LOC128462377: variants seen among roughly 807,000 people sequenced by gnomAD.
At chr16:89,396,205 G>A in the LOC128462377 span, 1 of 152,208 alleles carries the variant, frequency 6.6e-6, no homozygotes, top group Admixed American at 6.5e-5. Flanking sequence ...AAGTCTCCCT[G>A]GAAGAGACAG....
chr16:89,365,701 G>A, the LOC128462377 span, among the ~76,000 whole-genome samples: 1 of 152,150 alleles, frequency 6.6e-6, no homozygotes, highest in Non-Finnish European at 1.5e-5. Flanking sequence ...TGGTCTCTCC[G>A]CAGAAACCCA....
At chr16:89,371,414 T>C in the LOC128462377 span, among the ~76,000 whole-genome samples, 2 of 152,216 alleles carry the variant, frequency 1.3e-5, no homozygotes, top group Non-Finnish European at 2.9e-5. Context: ...CACAGACAGG[T>C]GTCCAGCTGC....
chr16:89,371,093 C>T, the LOC128462377 span, among the ~76,000 whole-genome samples: 1 of 152,154 alleles, frequency 6.6e-6, no homozygotes, highest in African/African-American at 2.4e-5. Context: ...ACTGCGCGCT[C>T]GCTTACTGAA....
At chr16:89,416,079 T>C in the LOC128462377 span, among the ~76,000 whole-genome samples, 1 of 152,236 alleles carries the variant, frequency 6.6e-6, no homozygotes, top group Non-Finnish European at 1.5e-5. Context: ...TGAGGATCTA[T>C]AGTTCACAAA....
the LOC128462377 span, among the ~76,000 whole-genome samples, chr16:89,347,682 G>A: frequency 9.9e-5 from 15 of 151,360 alleles, no homozygotes; most frequent in African/African-American, 2.9e-4. Context: ...TCTCCTTATC[G>A]GTTTTTCCTA....
the LOC128462377 span, among the ~76,000 whole-genome samples, chr16:89,359,553 C>A: frequency 6.6e-6 from 1 of 152,194 alleles, no homozygotes; most frequent in East Asian, 1.9e-4. Flanking sequence ...AGTCTTGATT[C>A]TTCAGGCTAA....
At chr16:89,407,933 T>G in the LOC128462377 span, among the ~76,000 whole-genome samples, 1 of 151,562 alleles carries the variant, frequency 6.6e-6, no homozygotes, top group African/African-American at 2.4e-5. Context: ...TCCATTAACT[T>G]CAAAAAGCCA....
the LOC128462377 span, among the ~76,000 whole-genome samples, chr16:89,354,243 CA>C: frequency 0.021 from 2,705 of 126,168 alleles, 48 homozygotes; most frequent in African/African-American, 0.065. Flanking sequence ...TGCATTCAGC[CA>C]AAAAAAAAAA....
the LOC128462377 span, among the ~76,000 whole-genome samples, chr16:89,389,820 A>T: frequency 7.0e-6 from 1 of 142,630 alleles, no homozygotes. Context: ...AGAGAAGATC[A>T]CTAGGGCAAA....
the LOC128462377 span, among the ~76,000 whole-genome samples, chr16:89,357,773 G>C: frequency 6.6e-6 from 1 of 152,344 alleles, no homozygotes; most frequent in African/African-American, 2.4e-5. Flanking sequence ...CCCTGAGGGA[G>C]GAGTCTGGGA....
At chr16:89,413,744 G>A in the LOC128462377 span, among the ~76,000 whole-genome samples, 3 of 152,208 alleles carry the variant, frequency 2.0e-5, no homozygotes, top group Non-Finnish European at 2.9e-5. Context: ...AGCATTCTAC[G>A]GCAGGACACA....
chr16:89,413,112 T>A, the LOC128462377 span, among the ~76,000 whole-genome samples: 1 of 152,192 alleles, frequency 6.6e-6, no homozygotes, highest in South Asian at 2.1e-4. Flanking sequence ...AGTGCCCATT[T>A]TCACATGAAC....
At chr16:89,346,312 G>C in the LOC128462377 span, among the ~76,000 whole-genome samples, 1 of 150,160 alleles carries the variant, frequency 6.7e-6, no homozygotes, top group Non-Finnish European at 1.5e-5. Context: ...CCACGGAGCA[G>C]ATATTAAAGT....
At chr16:89,352,380 C>T in the LOC128462377 span, among the ~76,000 whole-genome samples, 1 of 151,530 alleles carries the variant, frequency 6.6e-6, no homozygotes. Flanking sequence ...GGCAGCCCCC[C>T]AAGAAAACCA....
chr16:89,337,410 G>GAACATGGT, the LOC128462377 span, among the ~76,000 whole-genome samples: 1 of 130,056 alleles, frequency 7.7e-6, no homozygotes, highest in Admixed American at 8.1e-5. Flanking sequence ...CACAATACAT[G>GAACATGGT]AACATGGTCT....
chr16:89,377,748 C>T, the LOC128462377 span, among the ~76,000 whole-genome samples: 1 of 152,066 alleles, frequency 6.6e-6, no homozygotes, highest in African/African-American at 2.4e-5. Flanking sequence ...AAACTAAAGC[C>T]AACAGTGAGG....
At chr16:89,322,419 C>G in the LOC128462377 span, among the ~76,000 whole-genome samples, 1 of 152,242 alleles carries the variant, frequency 6.6e-6, no homozygotes, top group African/African-American at 2.4e-5. Context: ...TGTGTAATGA[C>G]CATTTAAATA....
the LOC128462377 span, among the ~76,000 whole-genome samples, chr16:89,389,539 T>C: frequency 6.6e-6 from 1 of 151,806 alleles, no homozygotes; most frequent in Admixed American, 6.6e-5. Flanking sequence ...ACACGGAAGC[T>C]AGGAAAAGAC....
the LOC128462377 span, among the ~76,000 whole-genome samples, chr16:89,392,107 C>T: frequency 2.0e-5 from 3 of 152,264 alleles, no homozygotes; most frequent in African/African-American, 4.8e-5. Flanking sequence ...TGTGAGGTCC[C>T]GTTCCAGCCA....
Sources: gnomAD v4.1 joint callset for allele counts (sites outside exome capture counted in the v4.1 genomes callset) on GRCh38, gnomAD v4.1.1 for gene constraint, MANE v1.5 for transcripts.